MIPOL1: variants seen among roughly 807,000 people sequenced by gnomAD.
MIPOL1 encodes mirror-image polydactyly gene 1 protein.
A neutral mutation model predicts 60.9 loss-of-function variants in MIPOL1; 57 were observed. That is an observed-to-expected ratio of 0.94 (90% CI 0.76 to 1.17). The LOEUF (loss-of-function observed/expected upper bound fraction) is 1.17, where lower values mean the gene tolerates loss of function less well. Among genes scored for constraint, MIPOL1 ranks in the 50% most tolerant of loss-of-function variants. MIPOL1 has a pLI of 0.00. For missense variants in MIPOL1, 551 were observed against 511.6 expected (o/e 1.08, Z -0.74); for synonymous variants, 179 against 168.8 (o/e 1.06, Z -0.47).
At chr14:37,225,358 C>A (rs143017350) in intron 1 of MIPOL1, among the ~76,000 whole-genome samples, 2 of 152,178 alleles carry the variant, frequency 1.3e-5, no homozygotes, top group Non-Finnish European at 2.9e-5. Context: ...CCCACCCTGC[C>A]GCAAACTTCT....
chr14:37,435,763 T>C (rs1420876934), intron 11 of MIPOL1, among the ~76,000 whole-genome samples: 1 of 152,188 alleles, frequency 6.6e-6, no homozygotes, highest in African/African-American at 2.4e-5. Context: ...ATAAAGTGTT[T>C]GAATTTAAAA....
chr14:37,432,563 G>A (rs570606888), intron 11 of MIPOL1, among the ~76,000 whole-genome samples: 1 of 152,064 alleles, frequency 6.6e-6, no homozygotes, highest in South Asian at 2.1e-4. Flanking sequence ...GGTCAAAATG[G>A]TGTCTCCATA....
Position 37,548,614 on chromosome 14 carries a change from A to ATTATC in MIPOL1, c.*1646_*1650dup. ...GTAACAGCTCCCTATGTGAAGAAAC[A>ATTATC]TTATCTTTAAAGTCATCTGGGAGGT... is the stretch of plus-strand genomic sequence containing the variant. On this transcript the variant is annotated 3_prime_UTR_variant, in exon 13 of 13. Coordinates refer to ENST00000684589, the MANE Select transcript of MIPOL1 (RefSeq NM_001388067.1). The ATTATC allele has an allele frequency of 6.6e-6, 1 of 152,072 alleles. No homozygotes were observed. The highest frequency in any genetic ancestry group is 2.1e-4 in the South Asian group (1 of 4,830). 9.4% of individuals were successfully genotyped at this position (152,072 alleles called of 1,614,324 possible). A position where few individuals can be genotyped will look rare whatever the true frequency, so the allele number is the denominator to read the frequency against.
intron 7 of MIPOL1, among the ~76,000 whole-genome samples, chr14:37,297,000 A>C (rs1051805299): frequency 9.9e-5 from 15 of 152,118 alleles, no homozygotes; most frequent in South Asian, 4.1e-4. Flanking sequence ...GAGACACAAC[A>C]AAAAAAGAGA....
At chr14:37,338,704 C>T (rs186643044) in intron 9 of MIPOL1, among the ~76,000 whole-genome samples, 201 of 152,186 alleles carry the variant, frequency 1.3e-3, no homozygotes, top group African/African-American at 4.3e-3. Flanking sequence ...CCACCATGCC[C>T]AGCCATTTTT....
At chr14:37,543,081 A>G (rs939922421) in intron 12 of MIPOL1, among the ~76,000 whole-genome samples, 2 of 152,106 alleles carry the variant, frequency 1.3e-5, no homozygotes, top group Non-Finnish European at 2.9e-5. Context: ...CATAGCCACC[A>G]AAACCAGAAT....
At chr14:37,441,025 T>C (rs1012468587) in intron 11 of MIPOL1, among the ~76,000 whole-genome samples, 2 of 152,202 alleles carry the variant, frequency 1.3e-5, no homozygotes, top group African/African-American at 4.8e-5. Context: ...ATGTTGAGCA[T>C]TTCTTCATAT....
chr14:37,405,088 T>G (rs1009649498), intron 10 of MIPOL1, among the ~76,000 whole-genome samples: 1 of 152,198 alleles, frequency 6.6e-6, no homozygotes, highest in Non-Finnish European at 1.5e-5. Context: ...CTTAACTTTT[T>G]TAGATCTTTG....
chr14:37,519,607 C>T (rs1006125340), intron 12 of MIPOL1, among the ~76,000 whole-genome samples: 2 of 151,848 alleles, frequency 1.3e-5, no homozygotes, highest in Admixed American at 6.6e-5. Flanking sequence ...GTGCCTCATT[C>T]ACCTCACTCT....
intron 7 of MIPOL1, among the ~76,000 whole-genome samples, chr14:37,292,541 T>TGTGATCTTG (rs2153418345): frequency 7.1e-6 from 1 of 139,994 alleles, no homozygotes; most frequent in South Asian, 2.4e-4. Flanking sequence ...AGTGCAGTGG[T>TGTGATCTTG]GTGATCTTGG....
chr14:37,431,182 A>G (rs574860767), intron 11 of MIPOL1, among the ~76,000 whole-genome samples: 2 of 152,308 alleles, frequency 1.3e-5, no homozygotes, highest in South Asian at 4.1e-4. Context: ...AAAAAAGTGC[A>G]GTGTTTCCCT....
intron 11 of MIPOL1, among the ~76,000 whole-genome samples, chr14:37,460,470 A>T: frequency 6.6e-6 from 1 of 152,022 alleles, no homozygotes; most frequent in East Asian, 1.9e-4. Flanking sequence ...ACCCACTTTC[A>T]CCCCTCCCAT....
intron 1 of MIPOL1, among the ~76,000 whole-genome samples, chr14:37,209,617 G>A (rs1380299691): frequency 6.6e-6 from 1 of 152,132 alleles, no homozygotes; most frequent in Non-Finnish European, 1.5e-5. Context: ...CTGAGATCAC[G>A]TCACTGTACT....
rs529315250 is a variant in MIPOL1 at position 37,379,941 on chromosome 14, A to G, written c.936+10317A>G. 4.6e-4 allele frequency among the ~76,000 whole-genome samples: 70 copies of G among 152,210 alleles called. 1 individual carries two copies. The highest frequency in any genetic ancestry group is 2.5e-3 in the South Asian group (12 of 4,826). On this transcript the variant is annotated intron_variant, in intron 10 of 12. Coordinates refer to ENST00000684589, the MANE Select transcript of MIPOL1 (RefSeq NM_001388067.1). ...CCATTCTCTTTCTATAAGAAATCTG[A>G]TGCATGGCCGTGTAACCCAAAGCCA...
chr14:37,378,391 C>T (rs1320348919), intron 10 of MIPOL1, among the ~76,000 whole-genome samples: 1 of 151,932 alleles, frequency 6.6e-6, no homozygotes, highest in East Asian at 1.9e-4. Flanking sequence ...GTCTCAAGGG[C>T]ATGATGCAAA....
At chr14:37,277,405 T>G (rs2083751339) in intron 6 of MIPOL1, 2 of 151,294 alleles carry the variant, frequency 1.3e-5, no homozygotes, top group Admixed American at 1.3e-4. Context: ...GTACTGATTT[T>G]AATGCTTCAG....
chr14:37,275,204 T>A (rs1316227855), intron 6 of MIPOL1, among the ~76,000 whole-genome samples: 4 of 151,226 alleles, frequency 2.6e-5, no homozygotes, highest in Non-Finnish European at 5.9e-5. Context: ...TCACTCCTTA[T>A]GTGTTAATGA....
chr14:37,398,238 C>T (rs568178840), intron 10 of MIPOL1, among the ~76,000 whole-genome samples: 1 of 152,164 alleles, frequency 6.6e-6, no homozygotes, highest in Non-Finnish European at 1.5e-5. Context: ...AGTAGACCTT[C>T]ACTAGGGGCA....
chr14:37,486,735 G>A (rs888790836), intron 11 of MIPOL1, among the ~76,000 whole-genome samples: 6 of 152,242 alleles, frequency 3.9e-5, no homozygotes, highest in East Asian at 1.9e-4. Context: ...GGGCTGAGAC[G>A]ATGGGGTTTT....
Sources: allele counts gnomAD v4.1 joint callset (sites outside exome capture counted in the v4.1 genomes callset), GRCh38; gene constraint gnomAD v4.1.1; transcripts MANE v1.5; gene names NCBI Gene and HGNC (gene_info 2026-07-23, HGNC 2026-07-21).